Variants in MAP4K5 observed in about 807,000 individuals in gnomAD.
MAP4K5 encodes MAPK/ERK kinase kinase kinase 5.
In MAP4K5, 82 loss-of-function variants were observed where a neutral mutation model predicts 135.6. The observed-to-expected ratio is 0.60, with a 90% CI of 0.51 to 0.73. MAP4K5 has a LOEUF of 0.73. MAP4K5 is among the 30% of genes least tolerant of loss of function. The pLI is 0.00. For synonymous variants in MAP4K5, 347 were observed against 335.0 expected, an observed-to-expected ratio of 1.04 and a Z score of -0.39; for missense variants, 907 against 1,010.9, an observed-to-expected ratio of 0.90 and a Z score of 1.39.
chr14:50,504,117 T>C (rs1595522335), intron 3 of MAP4K5, among the ~76,000 whole-genome samples: 1 of 152,080 alleles, frequency 6.6e-6, no homozygotes. Flanking sequence ...AATACTGTGT[T>C]TGAAATGCAA....
chr14:50,438,084 G>GTT lies in MAP4K5; in HGVS notation c.1708+7_1708+8insAA. 1.2e-6 allele frequency: 1 copy of GTT among 868,606 alleles called. No homozygotes were observed. The highest frequency in any genetic ancestry group is 1.3e-5 in the South Asian group (1 of 75,046). 53.8% of individuals were successfully genotyped at this position (868,606 alleles called of 1,614,324 possible). On this transcript the variant is annotated splice_region_variant and intron_variant, in intron 24 of 32. Transcript: ENST00000682126. The stretch of plus-strand genomic sequence containing the variant: ...ATACAATTTTCGAGAAAAAGAAAAC[G>GTT]TAATTACCTTCTAAAACGAGAGTCC...
At chr14:50,519,956 A>G (rs1356077665) in intron 2 of MAP4K5, among the ~76,000 whole-genome samples, 1 of 152,244 alleles carries the variant, frequency 6.6e-6, no homozygotes, top group Non-Finnish European at 1.5e-5. Context: ...AAATATATTA[A>G]GTTACACCTG....
chr14:50,486,353 G>C (rs2037363480), intron 3 of MAP4K5, among the ~76,000 whole-genome samples, 159 bp from the exon 4 acceptor site: 1 of 152,020 alleles, frequency 6.6e-6, no homozygotes, highest in African/African-American at 2.4e-5. Flanking sequence ...AAAGTCAGAA[G>C]TCTTTAAAAT....
chr14:50,489,032 G>A (rs1348715896), intron 3 of MAP4K5, among the ~76,000 whole-genome samples: 1 of 152,044 alleles, frequency 6.6e-6, no homozygotes, highest in Non-Finnish European at 1.5e-5. Context: ...TCTGAAATTC[G>A]GATAGTTGAT....
intron 6 of MAP4K5, among the ~76,000 whole-genome samples, chr14:50,477,460 A>G (rs1422047218): frequency 6.6e-6 from 1 of 152,066 alleles, no homozygotes; most frequent in African/African-American, 2.4e-5. Context: ...GATGCCTTTT[A>G]TTTCATTATT....
Position 50,442,658 on chromosome 14 carries a change from A to AT in MAP4K5, c.1564+73_1564+74insA. 2.9e-6 allele frequency: 3 copies of AT among 1,051,190 alleles called. No individual in the cohort carries two copies. The South Asian group carries it at 4.4e-5, about 15-fold the overall frequency. 65.1% of individuals were successfully genotyped at this position (1,051,190 alleles called of 1,614,324 possible). A position where few individuals can be genotyped will look rare whatever the true frequency, so the allele number is the denominator to read the frequency against. Reference sequence around the variant, plus strand: ...TCGTATTTTTAAAATAAACAACTTCAAGTCACTGATCATAAAGATCTTTCC... The same window carrying AT: ...TCGTATTTTTAAAATAAACAACTTCATAGTCACTGATCATAAAGATCTTTCC... On this transcript the variant is annotated intron_variant, in intron 21 of 32. Coordinates refer to ENST00000682126, the MANE Select transcript of MAP4K5 (RefSeq NM_006575.6).
Position 50,434,464 on chromosome 14 carries a change from C to T in MAP4K5, c.2094G>A (p.Ser698=), listed in dbSNP as rs770835479. ...TTGTCTCAAACTGAACTACCTGATT[C>T]GATTCAGTGCCTTTGCTAATAGCTA... ...VCVAISKGTE[S]NQVVQFETIN... The change falls in exon 28 of 33, where the codon TCG becomes TCA. Residue 698 remains serine, a synonymous_variant. Transcript: ENST00000682126. 42 of 1,609,146 alleles carry T rather than the reference C, an allele frequency of 2.6e-5. No homozygotes were observed. The highest frequency in any genetic ancestry group is 3.3e-5 in the South Asian group (3 of 89,932).
At chr14:50,421,210 T>C (rs189517834) in intron 32 of MAP4K5, among the ~76,000 whole-genome samples, 49 of 152,286 alleles carry the variant, frequency 3.2e-4, no homozygotes, top group Admixed American at 3.2e-3. Context: ...TTAGTTTTTT[T>C]TTCCTAGACA....
At chr14:50,436,447 A>G (rs572484540) in intron 26 of MAP4K5, among the ~76,000 whole-genome samples, 1 of 152,250 alleles carries the variant, frequency 6.6e-6, no homozygotes, top group East Asian at 1.9e-4. Flanking sequence ...GTCATGCCAG[A>G]AATACAAAAA....
intron 1 of MAP4K5, among the ~76,000 whole-genome samples, chr14:50,547,251 T>C (rs1423419439): frequency 6.6e-6 from 1 of 152,206 alleles, no homozygotes; most frequent in Admixed American, 6.5e-5. Context: ...TAAATGCTTA[T>C]AGGTGAACTC....
At chr14:50,475,196 A>C (rs752835754) in intron 8 of MAP4K5, 47 bp from the exon 9 acceptor site, 100 of 1,410,690 alleles carry the variant, frequency 7.1e-5, no homozygotes, top group Non-Finnish European at 9.6e-5. Flanking sequence ...CAATACACCA[A>C]ACAACATTTT....
intron 2 of MAP4K5, among the ~76,000 whole-genome samples, chr14:50,517,500 G>A (rs2038058243): frequency 6.6e-6 from 1 of 151,362 alleles, no homozygotes; most frequent in Non-Finnish European, 1.5e-5. Context: ...GGGCATGGTG[G>A]CTTACACTTG....
intron 1 of MAP4K5, among the ~76,000 whole-genome samples, chr14:50,550,738 C>T (rs1480744351): frequency 6.6e-6 from 1 of 152,104 alleles, no homozygotes; most frequent in Admixed American, 6.5e-5. Flanking sequence ...AAAATAGCTC[C>T]AAAAGGAATC....
intron 13 of MAP4K5, 181 bp from the exon 14 acceptor site, chr14:50,456,775 T>A: frequency 1.8e-6 from 1 of 543,732 alleles, no homozygotes; most frequent in Non-Finnish European, 3.2e-6. Flanking sequence ...TCCATGTTTA[T>A]ACTGTATAAA....
intron 1 of MAP4K5, chr14:50,560,354 T>C: frequency 1.3e-6 from 2 of 1,598,434 alleles, no homozygotes; most frequent in Non-Finnish European, 1.7e-6. Flanking sequence ...GGCCCTCCAC[T>C]TTCTGCTTCT....
intron 10 of MAP4K5, among the ~76,000 whole-genome samples, chr14:50,468,052 A>AT (rs554540633): frequency 9.3e-4 from 142 of 152,092 alleles, no homozygotes; most frequent in Admixed American, 2.3e-3. Flanking sequence ...GCCCTCAAAT[A>AT]TTTTTTTCTG....
intron 1 of MAP4K5, among the ~76,000 whole-genome samples, chr14:50,550,805 G>A (rs2038693027): frequency 1.3e-5 from 2 of 152,142 alleles, no homozygotes; most frequent in Admixed American, 1.3e-4. Flanking sequence ...TGATCTTTGG[G>A]TTAACAATGA....
In MAP4K5 at chr14:50,436,919, T is replaced by C. The variant is rs201149650; in HGVS notation, c.1882+557A>G. Among the ~76,000 whole-genome samples the C allele has an allele frequency of 4.6e-5, 7 of 152,212 alleles. No homozygotes were observed. The East Asian group carries it at 9.6e-4, about 21-fold the overall frequency. On this transcript the variant is annotated intron_variant, in intron 26 of 32. Coordinates refer to ENST00000682126, the MANE Select transcript of MAP4K5 (RefSeq NM_006575.6). ...TAAACGGTAATGATTTTAATCTATA[T>C]TCTTTCCCTGTTCTAAACGGTAATG... is the stretch of plus-strand genomic sequence containing the variant.
At chr14:50,455,859 G>A (rs1382500269) in intron 14 of MAP4K5, among the ~76,000 whole-genome samples, 3 of 152,024 alleles carry the variant, frequency 2.0e-5, no homozygotes, top group South Asian at 2.1e-4. Flanking sequence ...ACGTCTTTAC[G>A]AATCTGTAGT....
Sources: allele counts gnomAD v4.1 joint callset (sites outside exome capture counted in the v4.1 genomes callset), GRCh38; gene constraint gnomAD v4.1.1; transcripts MANE v1.5; gene names NCBI Gene and HGNC (gene_info 2026-07-23, HGNC 2026-07-21).